The following CACNA1I variants were observed in gnomAD, a reference collection of about 807,000 sequenced individuals.
CACNA1I encodes calcium voltage-gated channel subunit alpha1 I, also known as voltage-dependent T-type calcium channel subunit alpha-1I.
CACNA1I carries 74 observed loss-of-function variants against 201.6 expected under a neutral mutation model. The observed-to-expected ratio is 0.37, with a 90% CI of 0.30 to 0.45. The LOEUF is 0.45. Among genes scored for constraint, CACNA1I ranks in the 20% least tolerant of loss-of-function variants. The pLI is 1.00. For synonymous variants in CACNA1I, 1,431 were observed against 1,345.2 expected, an observed-to-expected ratio of 1.06 and a Z score of -1.40; for missense variants, 2,346 against 3,138.1, an observed-to-expected ratio of 0.75 and a Z score of 6.03.
chr22:39,680,366 T>C (rs1683154090), intron 33 of CACNA1I, among the ~76,000 whole-genome samples: 3 of 152,070 alleles, frequency 2.0e-5, no homozygotes, highest in African/African-American at 7.2e-5. Flanking sequence ...TCCCCAGCAG[T>C]GTGGGCCCCT....
At chr22:39,618,362 TGC>T (rs374962231) in intron 3 of CACNA1I, among the ~76,000 whole-genome samples, 13 of 151,462 alleles carry the variant, frequency 8.6e-5, no homozygotes, top group African/African-American at 3.2e-4. Context: ...TGTGGTTGTG[TGC>T]GTGTGTGACT....
At position 39,665,807 on chromosome 22, in the gene CACNA1I, C is replaced by A; in HGVS notation, c.3979-74C>A. The stretch of plus-strand genomic sequence containing the variant: ...GAGCACAAGACAGTCTGAGTAAACG[C>A]GATCGAGAGGCGAGTTCCTCTCTGA... On this transcript the variant is annotated intron_variant, in intron 22 of 36. Coordinates refer to ENST00000402142, the MANE Select transcript of CACNA1I (RefSeq NM_021096.4). This position sits in a 1 kb window ranked among gnomAD's most constrained non-coding sequence, Gnocchi z 5.5. 1.3e-6 allele frequency: 2 copies of A among 1,596,290 alleles called. No individual in the cohort carries two copies. Among genetic ancestry groups the A allele is most frequent in the Non-Finnish European group, 8.6e-7 (1 of 1,166,066 alleles).
intron 4 of CACNA1I, among the ~76,000 whole-genome samples, chr22:39,630,878 G>A (rs1795036615): frequency 6.6e-6 from 1 of 152,206 alleles, no homozygotes; most frequent in Admixed American, 6.5e-5. Flanking sequence ...GGGTGGAGGA[G>A]GTGTCGTGGG....
At position 39,668,569 on chromosome 22, in the gene CACNA1I, G is replaced by T. The variant is rs148437513; in HGVS notation, c.4194+188G>T. ...CCATTACAGTCCCTCCTCGGGTAGC[G>T]TAAGTCGTCGTTCCATTTGCTTTGG... On this transcript the variant is annotated intron_variant, in intron 24 of 36. Coordinates refer to ENST00000402142, the MANE Select transcript of CACNA1I (RefSeq NM_021096.4). Among the ~76,000 whole-genome samples, 284 of 152,260 alleles carry T rather than the reference G, an allele frequency of 1.9e-3. 1 individual carries two copies. The highest frequency in any genetic ancestry group is 6.5e-3 in the African/African-American group (270 of 41,554).
At chr22:39,668,691 G>A (rs1423701361) in intron 24 of CACNA1I, among the ~76,000 whole-genome samples, 3 of 152,206 alleles carry the variant, frequency 2.0e-5, no homozygotes, top group Admixed American at 2.0e-4. Context: ...AGGCAGAGAA[G>A]AGGGGCTGAG....
rs1338767684 is a variant in CACNA1I, at chr22:39,640,980, C to T, written c.854C>T (p.Pro285Leu). The T allele has an allele frequency of 8.1e-6, 13 of 1,613,858 alleles. No homozygotes were observed. Among genetic ancestry groups the T allele is most frequent in the Admixed American group, 5.0e-5 (3 of 60,010 alleles). ...ATAATGGGCTGCCATGAGATCCCCCCGCTCAAGGAGCAGGGCCGTGAGTGC... is the reference window on the plus strand; with the variant it reads ...ATAATGGGCTGCCATGAGATCCCCCTGCTCAAGGAGCAGGGCCGTGAGTGC... ...NGIMGCHEIPPLKEQGRECCL... is the reference protein window; with the variant it reads ...NGIMGCHEIPLLKEQGRECCL... The change falls in exon 6 of 37, where the codon CCG becomes CTG. Residue 285 changes from proline to leucine, a missense_variant. By Grantham distance (98) the Pro-to-Leu change is moderately conservative. Transcript: ENST00000402142.
chr22:39,672,165 G>T (rs578144430), intron 26 of CACNA1I, 34 bp from the exon 27 acceptor site: 4 of 1,417,740 alleles, frequency 2.8e-6, no homozygotes, highest in Non-Finnish European at 4.0e-6. Context: ...CAGGTCATGT[G>T]CCCTGGATCA....
chr22:39,649,763 G>T lies in CACNA1I; in HGVS notation c.1830G>T (p.Glu610Asp). 6.3e-7 allele frequency: 1 copy of T among 1,599,568 alleles called. No individual in the cohort carries two copies. The highest frequency in any genetic ancestry group is 8.5e-7 in the Non-Finnish European group (1 of 1,173,048). Residue 610 changes from glutamate (E) to aspartate (D), a missense_variant, in exon 10 of 37, where the codon GAG becomes GAT. Physicochemically the swap from Glu to Asp is conservative, Grantham distance 45 (BLOSUM62 2). Transcript: ENST00000402142. This position sits in a 1 kb window ranked among gnomAD's most constrained non-coding sequence, Gnocchi z 7.3. ...GASSELGKEE[E>D]EEEQADGAVW... Reference sequence around the variant, plus strand: ...CCTCAGAACTGGGGAAGGAGGAGGAGGAGGAGGAGCAGGCGGATGGGGCGG... The same window carrying T: ...CCTCAGAACTGGGGAAGGAGGAGGATGAGGAGGAGCAGGCGGATGGGGCGG...
rs752607220 is a variant in CACNA1I, at chr22:39,682,669, G to C, written c.5830+8G>C. The C allele has an allele frequency of 2.5e-6, 4 of 1,609,264 alleles. No homozygotes were observed. Among genetic ancestry groups the C allele is most frequent in the South Asian group, 2.2e-5 (2 of 90,664 alleles). ...AACATGACAGCAGTCAAGGTGAGGG[G>C]TGGGAGCCCTGCCAGCTCCCCACAG... is the stretch of plus-strand genomic sequence containing the variant. On this transcript the variant is annotated splice_region_variant and intron_variant, in intron 35 of 36. Transcript: ENST00000402142.
Position 39,685,972 on chromosome 22 carries a change from T to C in CACNA1I, c.6239T>C (p.Leu2080Pro). 1 of 1,255,148 alleles carries C rather than the reference T, an allele frequency of 8.0e-7. No homozygotes were observed. The highest frequency in any genetic ancestry group is 9.9e-7 in the Non-Finnish European group (1 of 1,007,084). The allele number at this position is 1,255,148 out of a possible 1,614,324, so 77.8% of individuals were successfully genotyped here. A position where few individuals can be genotyped will look rare whatever the true frequency, so the allele number is the denominator to read the frequency against. Residue 2080 changes from leucine to proline, a missense_variant, in exon 37 of 37, where the codon CTG becomes CCG. By Grantham distance (98) the Leu-to-Pro change is moderately conservative (BLOSUM62 -3). Transcript: ENST00000402142. The surrounding 1 kb of genome is among the most constrained non-coding windows in gnomAD (Gnocchi z 5.0). ...CGGGGCCTCTTCAGCCTGCGGGGGC[T>C]GCGGGCGCATCAGCGCAGCCACAGC... ...RGRGLFSLRG[L>P]RAHQRSHSSG...
At chr22:39,610,193 C>T (rs188519969) in intron 3 of CACNA1I, among the ~76,000 whole-genome samples, 93 of 152,286 alleles carry the variant, frequency 6.1e-4, no homozygotes, top group African/African-American at 2.0e-3. Context: ...GTCTGCCCTG[C>T]GGCTGTGGAT....
chr22:39,627,414 T>C (rs1354665428), intron 4 of CACNA1I, among the ~76,000 whole-genome samples: 2 of 152,166 alleles, frequency 1.3e-5, no homozygotes, highest in Non-Finnish European at 2.9e-5. Context: ...GACGCCCCTG[T>C]GGACAGCGCC....
At chr22:39,647,559 G>A (rs527463075) in intron 8 of CACNA1I, among the ~76,000 whole-genome samples, 3 of 152,192 alleles carry the variant, frequency 2.0e-5, no homozygotes, top group Admixed American at 6.5e-5. Flanking sequence ...CTACAGGCAT[G>A]CACCACCATG....
chr22:39,641,215 C>T (rs1194855489), intron 6 of CACNA1I, 33 bp downstream of exon 6: 9 of 1,575,448 alleles, frequency 5.7e-6, no homozygotes, highest in South Asian at 1.1e-5. Flanking sequence ...CCAGCCTGGT[C>T]CTAGAGTGGG....
intron 4 of CACNA1I, among the ~76,000 whole-genome samples, chr22:39,620,619 G>T (rs1933717499): frequency 6.6e-6 from 1 of 152,248 alleles, no homozygotes; most frequent in Non-Finnish European, 1.5e-5. Flanking sequence ...CCAGTGAGTA[G>T]CAAAGGCTGG....
intron 31 of CACNA1I, among the ~76,000 whole-genome samples, chr22:39,678,414 C>T (rs573504280): frequency 5.7e-4 from 87 of 152,322 alleles, no homozygotes; most frequent in Non-Finnish European, 1.0e-3. Flanking sequence ...AAGGCCAGGG[C>T]CAGGCCCCCT....
Position 39,649,988 on chromosome 22 carries a change from A to G in CACNA1I, c.1992+63A>G, listed in dbSNP as rs577263498. 9.2e-6 allele frequency: 14 copies of G among 1,522,164 alleles called. No individual in the cohort carries two copies. The highest frequency in any genetic ancestry group is 1.2e-5 in the Non-Finnish European group (13 of 1,102,932). The allele number at this position is 1,522,164 out of a possible 1,614,324, so 94.3% of individuals were successfully genotyped here. ...GTGTGAGGGCCCCAGGACCCTGCCC[A>G]GGCCTGGGCAGCCCCATCCATCTGC... On this transcript the variant is annotated intron_variant, in intron 10 of 36. Coordinates refer to ENST00000402142, the MANE Select transcript of CACNA1I (RefSeq NM_021096.4). The surrounding 1 kb of genome is among the most constrained non-coding windows in gnomAD (Gnocchi z 7.3).
Position 39,663,698 on chromosome 22 carries a change from C to CGG in CACNA1I, c.3474-20_3474-19insGG. 1 of 1,608,704 alleles carries CGG rather than the reference C, an allele frequency of 6.2e-7. No homozygotes were observed. Among genetic ancestry groups the CGG allele is most frequent in the Non-Finnish European group, 8.5e-7 (1 of 1,176,414 alleles). ...TGGGAGGCAGCTGACGCTCAGGCAG[C>CGG]CCCCGCCCACCCTGCCCAGGTTCCG... On this transcript the variant is annotated intron_variant, in intron 18 of 36. Transcript: ENST00000402142.
rs563543941 is a variant in CACNA1I at position 39,663,068 on chromosome 22, T to C, written c.3473+192T>C. 2.6e-5 allele frequency among the ~76,000 whole-genome samples: 4 copies of C among 151,644 alleles called. No individual in the cohort carries two copies. The East Asian group carries it at 5.9e-4, about 22-fold the overall frequency. On this transcript the variant is annotated intron_variant, in intron 18 of 36. Coordinates refer to ENST00000402142, the MANE Select transcript of CACNA1I (RefSeq NM_021096.4). Reference sequence around the variant, plus strand: ...GCTGGGTGAAGATGGATTTGGGGAGTGGGATTGGCTGGAGGAGGTCAGGGA... The same window carrying C: ...GCTGGGTGAAGATGGATTTGGGGAGCGGGATTGGCTGGAGGAGGTCAGGGA...
Sources: allele counts gnomAD v4.1 joint callset (sites outside exome capture counted in the v4.1 genomes callset), GRCh38; gene constraint gnomAD v4.1.1; non-coding constraint Gnocchi (gnomAD v3.1); transcripts MANE v1.5; gene names NCBI Gene and HGNC (gene_info 2026-07-23, HGNC 2026-07-21).